Variants in SLC25A26 observed in about 807,000 individuals in gnomAD.
SLC25A26 encodes solute carrier family 25 member 26.
In SLC25A26, 36 loss-of-function variants were observed where a neutral mutation model predicts 37.8. That is an observed-to-expected ratio of 0.95 (90% confidence interval 0.73 to 1.26). The LOEUF (loss-of-function observed/expected upper bound fraction) is 1.26, where lower values mean the gene tolerates loss of function less well. Ranked by LOEUF, SLC25A26 falls within the 50% of genes most tolerant of loss-of-function variation. The pLI is 0.00. For missense variants in SLC25A26, 390 were observed against 331.1 expected (o/e 1.18, Z -1.38); for synonymous variants, 129 against 122.5 (o/e 1.05, Z -0.35).
In SLC25A26 at chr3:66,181,780, C is replaced by CTTTTTT. The variant is rs922019884; in HGVS notation, c.-353-38944_-353-38939dup. 4.2e-4 allele frequency among the ~76,000 whole-genome samples: 41 copies of CTTTTTT among 96,936 alleles called. 1 individual carries two copies. The highest frequency in any genetic ancestry group is 7.9e-4 in the South Asian group (2 of 2,516). 63.6% of individuals were successfully genotyped at this position (96,936 alleles called of 152,430 possible). ...TCCTTCCCTGATCCCCTCCCCTTGT[C>CTTTTTT]TTTTTTTTTTTTTTTTTTTTTTTCA... On this transcript the variant is annotated intron_variant, in intron 1 of 10. Transcript: ENST00000676754.
chr3:66,138,632 G>A (rs926332672), intron 1 of SLC25A26, among the ~76,000 whole-genome samples: 6 of 138,724 alleles, frequency 4.3e-5, no homozygotes, highest in African/African-American at 1.6e-4. Context: ...TTGGTGGGAG[G>A]ATTGATGCAG....
intron 5 of SLC25A26, among the ~76,000 whole-genome samples, chr3:66,266,812 C>CA (rs1297080936): frequency 6.6e-6 from 1 of 151,976 alleles, no homozygotes; most frequent in African/African-American, 2.4e-5. Context: ...AAGTGGGGAG[C>CA]AAAATCATAG....
chr3:66,209,468 T>A, intron 1 of SLC25A26, among the ~76,000 whole-genome samples: 1 of 141,588 alleles, frequency 7.1e-6, no homozygotes, highest in East Asian at 2.2e-4. Context: ...TGTATATATA[T>A]ATAAAGGTGT....
rs368067705 is a variant in SLC25A26, at chr3:66,307,136, G to T, written c.454-39228G>T. The stretch of plus-strand genomic sequence containing the variant: ...ACACTCCCACCAACAGTGTGAAGGT[G>T]TCTGTTTCTCCACATCCTCTCCAGC... On this transcript the variant is annotated intron_variant, in intron 5 of 9. Transcript: ENST00000354883. Among the ~76,000 whole-genome samples, 25 of 151,992 alleles carry T rather than the reference G, an allele frequency of 1.6e-4. No individual in the cohort carries two copies. The East Asian group carries it at 3.1e-3, about 19-fold the overall frequency.
intron 5 of SLC25A26, among the ~76,000 whole-genome samples, chr3:66,324,811 C>CT (rs1250733895): frequency 4.2e-5 from 6 of 143,568 alleles, no homozygotes; most frequent in South Asian, 2.2e-4. Flanking sequence ...TTTTTTTTGG[C>CT]TTTTTTTGCC....
intron 5 of SLC25A26, among the ~76,000 whole-genome samples, chr3:66,302,351 T>G (rs2075100291): frequency 6.6e-6 from 1 of 152,218 alleles, no homozygotes; most frequent in African/African-American, 2.4e-5. Flanking sequence ...TTGGACAATC[T>G]GGGTATCTGG....
chr3:66,243,943 C>T (rs1271942581), intron 3 of SLC25A26, among the ~76,000 whole-genome samples: 1 of 152,186 alleles, frequency 6.6e-6, no homozygotes, highest in East Asian at 1.9e-4. Flanking sequence ...TGCAAATTCT[C>T]TGTCACAGAT....
At chr3:66,248,678 C>G (rs192319780) in intron 3 of SLC25A26, among the ~76,000 whole-genome samples, 1 of 152,156 alleles carries the variant, frequency 6.6e-6, no homozygotes, top group African/African-American at 2.4e-5. Flanking sequence ...CACTTAGATG[C>G]TGGTAGAGTG....
At chr3:66,346,776 C>T (rs1043704717) in intron 6 of SLC25A26, among the ~76,000 whole-genome samples, 9 of 144,386 alleles carry the variant, frequency 6.2e-5, no homozygotes, top group African/African-American at 2.3e-4. Context: ...AAGTTAAAGA[C>T]TAACAGTGAG....
intron 5 of SLC25A26, among the ~76,000 whole-genome samples, chr3:66,274,294 A>G (rs1302702581): frequency 1.3e-5 from 2 of 152,030 alleles, no homozygotes; most frequent in Non-Finnish European, 2.9e-5. Flanking sequence ...AACCATAAAA[A>G]CCCTAGAAGA....
In SLC25A26 at chr3:66,221,048, G is replaced by C. The variant is rs914471801; in HGVS notation, c.-47G>C. On this transcript the variant is annotated 5_prime_UTR_variant, in exon 1 of 10. Coordinates refer to ENST00000354883, the MANE Select transcript of SLC25A26 (RefSeq NM_001379210.1). ...CGCCCAGCGCGCGAGGACGTGATCCGCTTCTGCTCCGGCTTGGATTGTAGC... is the reference window on the plus strand; with the variant it reads ...CGCCCAGCGCGCGAGGACGTGATCCCCTTCTGCTCCGGCTTGGATTGTAGC... 3.3e-6 allele frequency: 5 copies of C among 1,534,380 alleles called. No individual in the cohort carries two copies. Among genetic ancestry groups the C allele is most frequent in the African/African-American group, 2.7e-5 (2 of 72,836 alleles).
chr3:66,236,265 C>A (rs1316521876), intron 1 of SLC25A26, among the ~76,000 whole-genome samples: 1 of 119,020 alleles, frequency 8.4e-6, no homozygotes, highest in African/African-American at 3.2e-5. Flanking sequence ...ACTATATTAA[C>A]AATGAATTTA....
chr3:66,229,190 G>A (rs2071894414), intron 1 of SLC25A26, among the ~76,000 whole-genome samples: 1 of 152,142 alleles, frequency 6.6e-6, no homozygotes, highest in African/African-American at 2.4e-5. Context: ...TAGGCATTTT[G>A]CTAACCATAT....
At chr3:66,210,043 C>A (rs1051742118) in intron 1 of SLC25A26, among the ~76,000 whole-genome samples, 5 of 146,818 alleles carry the variant, frequency 3.4e-5, no homozygotes, top group East Asian at 2.0e-4. Flanking sequence ...GCCTATTGGA[C>A]CTTCCTGATG....
chr3:66,195,693 C>T (rs2071035038), intron 1 of SLC25A26, among the ~76,000 whole-genome samples: 2 of 152,058 alleles, frequency 1.3e-5, no homozygotes, highest in Admixed American at 6.5e-5. Flanking sequence ...CAGTAGGTGC[C>T]GGCATTTTAA....
intron 5 of SLC25A26, among the ~76,000 whole-genome samples, chr3:66,340,155 T>G (rs1191687393): frequency 6.6e-6 from 1 of 152,118 alleles, no homozygotes; most frequent in Non-Finnish European, 1.5e-5. Flanking sequence ...CGAAGATTGT[T>G]TAACCATATA....
At chr3:66,346,337 T>A (rs1478840796) in intron 5 of SLC25A26, 27 bp from the exon 6 acceptor site, 2 of 1,378,384 alleles carry the variant, frequency 1.5e-6, no homozygotes, top group African/African-American at 1.5e-5. Flanking sequence ...TTGCCTAATT[T>A]ATTTAATTTT....
At chr3:66,270,668 A>T (rs1049233049) in intron 5 of SLC25A26, among the ~76,000 whole-genome samples, 1 of 152,240 alleles carries the variant, frequency 6.6e-6, no homozygotes, top group African/African-American at 2.4e-5. Flanking sequence ...GAGATGTTCT[A>T]TGAAGAATGA....
chr3:66,146,839 A>C (rs1576594594), intron 1 of SLC25A26, among the ~76,000 whole-genome samples: 1 of 150,586 alleles, frequency 6.6e-6, no homozygotes, highest in African/African-American at 2.4e-5. Context: ...CTCACCTCCC[A>C]CTCTCCCCAC....
Sources: allele counts gnomAD v4.1 joint callset (sites outside exome capture counted in the v4.1 genomes callset), GRCh38; gene constraint gnomAD v4.1.1; transcripts MANE v1.5; gene names NCBI Gene and HGNC (gene_info 2026-07-23, HGNC 2026-07-21).